The following PLCL2 variants were observed in gnomAD, a reference collection of about 807,000 sequenced individuals.
PLCL2 encodes inactive phospholipase C-like protein 2.
A neutral mutation model predicts 79.6 loss-of-function variants in PLCL2; 4 were observed. That is an observed-to-expected ratio of 0.05 (90% CI 0.02 to 0.11). The LOEUF (loss-of-function observed/expected upper bound fraction) is 0.11. Among genes scored for constraint, PLCL2 ranks in the 10% least tolerant of loss-of-function variants. PLCL2 has a pLI of 1.00. For synonymous variants in PLCL2, 484 were observed against 457.7 expected (o/e 1.06, Z -0.73); for missense variants, 895 against 1,291.0 (o/e 0.69, Z 4.70).
intron 4 of PLCL2, among the ~76,000 whole-genome samples, chr3:17,046,376 T>C (rs2064780597): frequency 6.6e-6 from 1 of 152,212 alleles, no homozygotes; most frequent in African/African-American, 2.4e-5. Context: ...TCTCTTTAAA[T>C]GCCAAAACTG....
At chr3:17,087,581 G>A (rs2124960196) in intron 5 of PLCL2, among the ~76,000 whole-genome samples, 1 of 152,314 alleles carries the variant, frequency 6.6e-6, no homozygotes, top group Admixed American at 6.5e-5. Flanking sequence ...AGGGTAGATA[G>A]ATGTTGTTAT....
chr3:16,961,086 A>G (rs917758355), intron 1 of PLCL2, among the ~76,000 whole-genome samples: 4 of 152,248 alleles, frequency 2.6e-5, no homozygotes, highest in Non-Finnish European at 4.4e-5. Context: ...TATGCTGTTG[A>G]GGTATATGTC....
intron 5 of PLCL2, among the ~76,000 whole-genome samples, chr3:17,072,460 G>GGA (rs940460144): frequency 6.6e-6 from 1 of 152,076 alleles, no homozygotes; most frequent in Non-Finnish European, 1.5e-5. Context: ...CCTGAGGTCA[G>GGA]GAGTTCAAGA....
chr3:16,958,532 T>C (rs2063726943), intron 1 of PLCL2, among the ~76,000 whole-genome samples: 1 of 152,200 alleles, frequency 6.6e-6, no homozygotes, highest in African/African-American at 2.4e-5. Context: ...TTGTTTAGGA[T>C]CATTGGCATG....
chr3:17,054,106 A>T (rs1405460832), intron 4 of PLCL2, among the ~76,000 whole-genome samples: 1 of 152,144 alleles, frequency 6.6e-6, no homozygotes, highest in Non-Finnish European at 1.5e-5. Context: ...TGTTAGAAGC[A>T]GCCAGGCTAC....
Position 17,011,527 on chromosome 3 carries a change from C to A in PLCL2, c.2181C>A (p.Val727=). 6.2e-7 allele frequency: 1 copy of A among 1,614,118 alleles called. No homozygotes were observed. ...GGCAGAACGGAAACTGTGGCTATGT[C>A]CTCCGGCCAGCCATCATGAGGGAGG... The part of the protein sequence containing the change: ...WFRQNGNCGY[V]LRPAIMREEV... Residue 727 remains valine (V), a synonymous_variant, in exon 2 of 6, where the codon GTC becomes GTA. Transcript: ENST00000615277. This position sits in a 1 kb window ranked among gnomAD's most constrained non-coding sequence, Gnocchi z 7.9.
At chr3:16,903,771 G>C (rs1696684497) in intron 1 of PLCL2, among the ~76,000 whole-genome samples, 1 of 152,182 alleles carries the variant, frequency 6.6e-6, no homozygotes, top group African/African-American at 2.4e-5. Context: ...GATCAGGTTG[G>C]TTTTGTGGCT....
chr3:16,975,002 C>T (rs568655866), intron 1 of PLCL2, among the ~76,000 whole-genome samples: 2 of 152,222 alleles, frequency 1.3e-5, no homozygotes, highest in Admixed American at 1.3e-4. Context: ...TTCCCAGTTA[C>T]AGGCTTCTAA....
chr3:16,886,085 G>A lies in PLCL2; in HGVS notation c.327+719G>A, dbSNP rs1243654874. Among the ~76,000 whole-genome samples, 5 of 152,170 alleles carry A rather than the reference G, an allele frequency of 3.3e-5. No individual in the cohort carries two copies. Among genetic ancestry groups the A allele is most frequent in the African/African-American group, 1.2e-4 (5 of 41,436 alleles). On this transcript the variant is annotated intron_variant, in intron 1 of 5. Transcript: ENST00000615277. This position sits in a 1 kb window ranked among gnomAD's most constrained non-coding sequence, Gnocchi z 4.2. ...GCTTGCACAGTGTTAGCGGAAGAAA[G>A]CCAGCGATTGTTTTGAGCATTTTAA...
intron 1 of PLCL2, among the ~76,000 whole-genome samples, chr3:16,991,831 C>A (rs1034362807): frequency 1.3e-5 from 2 of 152,176 alleles, no homozygotes; most frequent in African/African-American, 2.4e-5. Context: ...AACTCCAGTT[C>A]TTTCCAGAGG....
intron 4 of PLCL2, among the ~76,000 whole-genome samples, chr3:17,059,152 A>G (rs2064919722): frequency 6.6e-6 from 1 of 152,170 alleles, no homozygotes. Context: ...AATGCTTACC[A>G]GGAGGGCCCT....
chr3:16,939,675 A>G (rs1697631060), intron 1 of PLCL2, among the ~76,000 whole-genome samples: 1 of 152,270 alleles, frequency 6.6e-6, no homozygotes. Context: ...CAGTGGAACA[A>G]AAATGAGGAT....
intron 1 of PLCL2, among the ~76,000 whole-genome samples, chr3:16,966,330 G>A (rs1323707264): frequency 3.3e-5 from 5 of 151,736 alleles, no homozygotes; most frequent in Non-Finnish European, 5.9e-5. Context: ...TTATTGATTT[G>A]CGTATGTTGA....
chr3:16,916,111 G>A (rs755878619), intron 1 of PLCL2, among the ~76,000 whole-genome samples: 2 of 152,096 alleles, frequency 1.3e-5, no homozygotes, highest in Admixed American at 6.6e-5. Flanking sequence ...TGTTGCAGAC[G>A]ACAGCCGACT....
intron 3 of PLCL2, among the ~76,000 whole-genome samples, chr3:17,032,855 A>G (rs550708577): frequency 6.6e-6 from 1 of 152,312 alleles, no homozygotes; most frequent in South Asian, 2.1e-4. Context: ...TTATGTTTGT[A>G]TGGTGATTAC....
chr3:17,077,668 A>G (rs992575267), intron 5 of PLCL2, among the ~76,000 whole-genome samples: 15 of 152,188 alleles, frequency 9.9e-5, no homozygotes, highest in Admixed American at 9.2e-4. Flanking sequence ...AGAATCTCAT[A>G]CTAGAAGAGT....
At chr3:17,074,494 G>C (rs2065090605) in intron 5 of PLCL2, among the ~76,000 whole-genome samples, 1 of 152,176 alleles carries the variant, frequency 6.6e-6, no homozygotes, top group South Asian at 2.1e-4. Flanking sequence ...GCTACTTACA[G>C]CCACCAGCTG....
chr3:16,937,919 T>A (rs913670572), intron 1 of PLCL2, among the ~76,000 whole-genome samples: 1 of 152,248 alleles, frequency 6.6e-6, no homozygotes, highest in Non-Finnish European at 1.5e-5. Flanking sequence ...AGTTTTAAAT[T>A]GGATTTTTTT....
At position 17,009,895 on chromosome 3, in the gene PLCL2, A is replaced by G; in HGVS notation, c.549A>G (p.Lys183=). ...RWEPSKKDSE[K]AKIDIKSIKE... ...AGCCATCTAAGAAGGATTCTGAGAA[A>G]GCCAAGATTGACATTAAATCCATCA... Residue 183 remains lysine, a synonymous_variant, in exon 2 of 6, where the codon AAA becomes AAG. Transcript: ENST00000615277. The surrounding 1 kb of genome is among the most constrained non-coding windows in gnomAD (Gnocchi z 4.0). 6.2e-7 allele frequency: 1 copy of G among 1,613,134 alleles called. No individual in the cohort carries two copies. Among genetic ancestry groups the G allele is most frequent in the South Asian group, 1.1e-5 (1 of 91,080 alleles).
Sources: allele counts gnomAD v4.1 joint callset (sites outside exome capture counted in the v4.1 genomes callset), GRCh38; gene constraint gnomAD v4.1.1; non-coding constraint Gnocchi (gnomAD v3.1); transcripts MANE v1.5; gene names NCBI Gene and HGNC (gene_info 2026-07-23, HGNC 2026-07-21).